IQGAP1: variants seen among roughly 807,000 people sequenced by gnomAD.
The protein encoded by IQGAP1 is ras GTPase-activating-like protein IQGAP1.
A neutral mutation model predicts 215.6 loss-of-function variants in IQGAP1; 66 were observed. The ratio of observed to expected loss-of-function variants is 0.31; its 90% CI spans 0.25 to 0.38. The LOEUF (loss-of-function observed/expected upper bound fraction) is 0.38, where lower values mean the gene tolerates loss of function less well. Ranked by LOEUF, IQGAP1 falls within the 10% of genes least tolerant of loss-of-function variation. The pLI is 1.00. For synonymous variants in IQGAP1, 772 were observed against 728.7 expected (o/e 1.06, Z -0.96); for missense variants, 1,712 against 1,997.1 (o/e 0.86, Z 2.72).
intron 26 of IQGAP1, among the ~76,000 whole-genome samples, chr15:90,479,235 C>T (rs1357782373): frequency 3.3e-5 from 5 of 151,568 alleles, no homozygotes; most frequent in Admixed American, 3.3e-4. Context: ...CTTTTTTTTT[C>T]ATAGCAAGAT....
At chr15:90,395,465 C>T (rs1259001505) in intron 2 of IQGAP1, among the ~76,000 whole-genome samples, 11 of 152,096 alleles carry the variant, frequency 7.2e-5, no homozygotes, top group African/African-American at 2.4e-4. Context: ...GGACTACAGG[C>T]GCCCACCACC....
intron 4 of IQGAP1, among the ~76,000 whole-genome samples, chr15:90,430,148 G>A (rs1965282223): frequency 1.3e-5 from 2 of 152,068 alleles, no homozygotes; most frequent in African/African-American, 4.8e-5. Context: ...ATCTGTTTTT[G>A]GTCATGGCTG....
chr15:90,468,233 T>G (rs1221798480), intron 18 of IQGAP1, among the ~76,000 whole-genome samples: 1 of 152,158 alleles, frequency 6.6e-6, no homozygotes, highest in Non-Finnish European at 1.5e-5. Flanking sequence ...ACCTGGCTAA[T>G]TTTGTAATTT....
intron 30 of IQGAP1, among the ~76,000 whole-genome samples, chr15:90,484,708 A>G (rs1455753895): frequency 2.0e-5 from 3 of 151,976 alleles, no homozygotes; most frequent in Non-Finnish European, 4.4e-5. Flanking sequence ...ACGGGGTTTC[A>G]CTGTGTTAGC....
intron 9 of IQGAP1, among the ~76,000 whole-genome samples, chr15:90,445,723 T>G (rs1965518111): frequency 6.6e-6 from 1 of 152,220 alleles, no homozygotes; most frequent in South Asian, 2.1e-4. Context: ...ATTGTTCTCA[T>G]TGTTCATTTG....
rs377087477 is a variant in IQGAP1 at position 90,453,179 on chromosome 15, A to T, written c.1374A>T (p.Ser458=). The change falls in exon 13 of 38, where the codon TCA becomes TCT. Residue 458 remains serine, a synonymous_variant. Coordinates refer to ENST00000268182, the MANE Select transcript of IQGAP1 (RefSeq NM_003870.4). ...PELSVAVEML[S]SVALINRALE... Reference sequence around the variant, plus strand: ...TCTCTGTCGCAGTGGAGATGTTGTCATCGGTGGCCCTGATCAACAGGGCAT... The same window carrying T: ...TCTCTGTCGCAGTGGAGATGTTGTCTTCGGTGGCCCTGATCAACAGGGCAT... 1.2e-6 allele frequency: 2 copies of T among 1,614,026 alleles called. No individual in the cohort carries two copies. Among genetic ancestry groups the T allele is most frequent in the Non-Finnish European group, 1.7e-6 (2 of 1,179,940 alleles).
chr15:90,478,852 G>A (rs139776647), intron 26 of IQGAP1, among the ~76,000 whole-genome samples: 64 of 152,282 alleles, frequency 4.2e-4, no homozygotes, highest in African/African-American at 1.5e-3. Context: ...CTGAAATATC[G>A]TGAGTTGGGC....
rs763836678 is a variant in IQGAP1 at position 90,491,485 on chromosome 15, A to G, written c.4401A>G (p.Thr1467=). 3 of 1,614,110 alleles carry G rather than the reference A, an allele frequency of 1.9e-6. No homozygotes were observed. Among genetic ancestry groups the G allele is most frequent in the African/African-American group, 1.3e-5 (1 of 74,956 alleles). ...TCCAGACAGGTTTAAAGAAGCTAACAGAGCTTGGAACCGTGGACCCAAAGA... is the reference window on the plus strand; with the variant it reads ...TCCAGACAGGTTTAAAGAAGCTAACGGAGCTTGGAACCGTGGACCCAAAGA... The part of the protein sequence containing the change: ...EKIQTGLKKL[T]ELGTVDPKNK... Residue 1467 remains threonine (T), a synonymous_variant, in exon 34 of 38, where the codon ACA becomes ACG. Coordinates refer to ENST00000268182, the MANE Select transcript of IQGAP1 (RefSeq NM_003870.4).
intron 11 of IQGAP1, among the ~76,000 whole-genome samples, chr15:90,451,676 G>A (rs1965606426): frequency 6.6e-6 from 1 of 151,652 alleles, no homozygotes; most frequent in African/African-American, 2.4e-5. Context: ...ATTTCAATGT[G>A]AGATTTGGTA....
At chr15:90,498,066 C>T (rs1463191963) in intron 37 of IQGAP1, among the ~76,000 whole-genome samples, 1 of 151,540 alleles carries the variant, frequency 6.6e-6, no homozygotes, top group East Asian at 1.9e-4. Context: ...GCCTCCCAAC[C>T]CCGCCCCTTT....
At chr15:90,475,198 C>T (rs1269378860) in intron 23 of IQGAP1, among the ~76,000 whole-genome samples, 1 of 152,122 alleles carries the variant, frequency 6.6e-6, no homozygotes, top group South Asian at 2.1e-4. Flanking sequence ...GGCGTTTCGC[C>T]ATGTTGACCA....
intron 35 of IQGAP1, among the ~76,000 whole-genome samples, chr15:90,493,677 T>C (rs528157750): frequency 6.6e-6 from 1 of 152,324 alleles, no homozygotes; most frequent in Admixed American, 6.5e-5. Context: ...CTCTTGCATG[T>C]CCTCTGTTTC....
At chr15:90,420,499 C>A (rs1719001563) in intron 2 of IQGAP1, among the ~76,000 whole-genome samples, 1 of 152,154 alleles carries the variant, frequency 6.6e-6, no homozygotes, top group African/African-American at 2.4e-5. Flanking sequence ...ATGTTTGATT[C>A]TCTGTCAGTA....
intron 2 of IQGAP1, among the ~76,000 whole-genome samples, chr15:90,405,394 A>G (rs967674425): frequency 2.0e-5 from 3 of 152,222 alleles, no homozygotes; most frequent in Non-Finnish European, 4.4e-5. Flanking sequence ...CGTTGAGAAA[A>G]CAGGTTTTGA....
Position 90,477,680 on chromosome 15 carries a change from G to A in IQGAP1, c.3120G>A (p.Gln1040=). 1 of 1,612,852 alleles carries A rather than the reference G, an allele frequency of 6.2e-7. No homozygotes were observed. The highest frequency in any genetic ancestry group is 8.5e-7 in the Non-Finnish European group (1 of 1,178,880). Residue 1040 remains glutamine, a synonymous_variant, in exon 26 of 38, where the codon CAG becomes CAA. Transcript: ENST00000268182. ...LQEEIKSKVD[Q]IQEIVTGNPT... is the part of the protein sequence containing the mutation. ...TGTTTTATAGGTCGAAGGTAGATCA[G>A]ATTCAAGAGATTGTGACAGGAAATC...
At position 90,494,792 on chromosome 15, in the gene IQGAP1, G is replaced by A; in HGVS notation, c.4708G>A (p.Glu1570Lys). 6.2e-7 allele frequency: 1 copy of A among 1,607,542 alleles called. No homozygotes were observed. Residue 1570 changes from glutamate (E) to lysine (K), a missense_variant, in exon 36 of 38, where the codon GAA (glutamate) becomes AAA (lysine). Around this residue, in one of 2 missense-constraint regions of IQGAP1, gnomAD observed 691 missense variants for 923.0 expected, o/e 0.75. Transcript: ENST00000268182. Reference sequence around the variant, plus strand: ...GAAATATACAGCAGCAAGACTACATGAAAAAGGAGTTCTTCTGGAAATTGA... The same window carrying A: ...GAAATATACAGCAGCAAGACTACATAAAAAAGGAGTTCTTCTGGAAATTGA... ...SLKYTAARLH[E>K]KGVLLEIEDL...
chr15:90,476,043 C>T (rs890330263), intron 23 of IQGAP1, among the ~76,000 whole-genome samples: 6 of 152,052 alleles, frequency 3.9e-5, no homozygotes, highest in South Asian at 4.2e-4. Flanking sequence ...TCAAGTGATT[C>T]TCCCACTTCA....
At chr15:90,428,647 G>A (rs564747665) in intron 3 of IQGAP1, among the ~76,000 whole-genome samples, 2 of 152,142 alleles carry the variant, frequency 1.3e-5, no homozygotes, top group Admixed American at 6.5e-5. Flanking sequence ...GATGGGCATG[G>A]TGACATGCAC....
chr15:90,417,823 T>C (rs74359821), intron 2 of IQGAP1, among the ~76,000 whole-genome samples: 1 of 152,172 alleles, frequency 6.6e-6, no homozygotes, highest in Non-Finnish European at 1.5e-5. Context: ...ATTTTCACGA[T>C]ATTGATTCTT....
Sources: gnomAD v4.1 joint callset for allele counts (sites outside exome capture counted in the v4.1 genomes callset) on GRCh38, gnomAD v4.1.1 for gene constraint, gnomAD v4.1.1 regional missense constraint, MANE v1.5 for transcripts, NCBI Gene and HGNC (gene_info 2026-07-23, HGNC 2026-07-21) for gene names.